The following KLHL22 variants were observed in gnomAD, a reference collection of about 807,000 sequenced individuals.
KLHL22 encodes kelch-like protein 22.
In KLHL22, 18 loss-of-function variants were observed where a neutral mutation model predicts 60.7. The observed-to-expected ratio is 0.30, with a 90% CI of 0.20 to 0.44. The LOEUF is 0.44. KLHL22 is among the 20% of genes least tolerant of loss of function. The probability of loss-of-function intolerance (pLI) is 1.00; values close to 1 mark genes in which losing one functional copy is unlikely to be tolerated. For synonymous variants in KLHL22, 355 were observed against 354.5 expected (o/e 1.00, Z -0.01); for missense variants, 596 against 852.3 (o/e 0.70, Z 3.74).
At chr22:20,450,711 G>A (rs2052963398) in intron 5 of KLHL22, 3 of 1,405,578 alleles carry the variant, frequency 2.1e-6, no homozygotes, top group South Asian at 1.2e-5. Context: ...CAGTCTTTGA[G>A]GCTGTCATCA....
intron 2 of KLHL22, chr22:20,483,351 G>A: frequency 2.7e-6 from 2 of 742,108 alleles, no homozygotes; most frequent in Non-Finnish European, 5.0e-6. Context: ...ATTGAGCCTG[G>A]ATGTCTGCCA....
chr22:20,477,979 T>C (rs952482111), intron 2 of KLHL22, among the ~76,000 whole-genome samples: 2 of 152,188 alleles, frequency 1.3e-5, no homozygotes, highest in Non-Finnish European at 2.9e-5. Flanking sequence ...TAGAGATAAA[T>C]TGTCATGATA....
chr22:20,487,763 T>C (rs1174377869), intron 2 of KLHL22, among the ~76,000 whole-genome samples: 1 of 152,206 alleles, frequency 6.6e-6, no homozygotes, highest in Non-Finnish European at 1.5e-5. Context: ...CATAAGGTTT[T>C]TGACAGATTA....
chr22:20,471,245 C>A (rs764233339), intron 3 of KLHL22, 105 bp downstream of exon 3: 105 of 1,101,522 alleles, frequency 9.5e-5, no homozygotes, highest in Middle Eastern at 6.0e-4. Context: ...TCCTCACATT[C>A]CTGACCCATC....
At chr22:20,447,710 CT>C (rs2052895963) in intron 5 of KLHL22, among the ~76,000 whole-genome samples, 1 of 151,896 alleles carries the variant, frequency 6.6e-6, no homozygotes, top group South Asian at 2.1e-4. Flanking sequence ...ACCCAGCTAA[CT>C]TTTGTATTTT....
intron 2 of KLHL22, among the ~76,000 whole-genome samples, chr22:20,472,309 A>T (rs1359507062): frequency 6.6e-6 from 1 of 151,384 alleles, no homozygotes; most frequent in Non-Finnish European, 1.5e-5. Flanking sequence ...CTGGTAAAAT[A>T]GCTGGGCGCG....
intron 2 of KLHL22, among the ~76,000 whole-genome samples, chr22:20,479,221 T>A (rs752587911): frequency 1.1e-3 from 166 of 151,940 alleles, no homozygotes; most frequent in Admixed American, 2.7e-3. Flanking sequence ...GTTGGGACTA[T>A]AGGCATGCAC....
Position 20,441,890 on chromosome 22 carries a change from G to A in KLHL22, c.*183C>T. 1 of 523,570 alleles carries A rather than the reference G, an allele frequency of 1.9e-6. No homozygotes were observed. Among genetic ancestry groups the A allele is most frequent in the Non-Finnish European group, 3.2e-6 (1 of 312,398 alleles). The allele number at this position is 523,570 out of a possible 1,614,324, so 32.4% of individuals were successfully genotyped here. Reference sequence around the variant, plus strand: ...TAATCCACAGCCTGGGATCTGCATGGCCCTGAGATGCCTGCGGCAGGCTGG... The same window carrying A: ...TAATCCACAGCCTGGGATCTGCATGACCCTGAGATGCCTGCGGCAGGCTGG... On this transcript the variant is annotated 3_prime_UTR_variant, in exon 7 of 7. Transcript: ENST00000328879.
At chr22:20,449,015 T>C (rs1486474611) in intron 5 of KLHL22, among the ~76,000 whole-genome samples, 4 of 152,104 alleles carry the variant, frequency 2.6e-5, no homozygotes, top group East Asian at 3.8e-4. Context: ...CAGTGAAATG[T>C]TTCTTCAACT....
At chr22:20,457,358 G>A (rs362071) in intron 5 of KLHL22, among the ~76,000 whole-genome samples, 4 of 151,918 alleles carry the variant, frequency 2.6e-5, no homozygotes, top group Non-Finnish European at 4.4e-5. Context: ...TCTGGAAGGC[G>A]CCACCCTTCA....
chr22:20,480,820 C>T (rs530864610), intron 2 of KLHL22, among the ~76,000 whole-genome samples: 2 of 149,544 alleles, frequency 1.3e-5, no homozygotes, highest in Admixed American at 6.7e-5. Flanking sequence ...AATGAGTTTA[C>T]GCCAAACTTT....
intron 5 of KLHL22, among the ~76,000 whole-genome samples, chr22:20,447,208 C>T (rs1298137684): frequency 6.6e-6 from 1 of 152,210 alleles, no homozygotes; most frequent in Admixed American, 6.5e-5. Flanking sequence ...GCTTTTTACC[C>T]TCCCTCTGTT....
chr22:20,454,236 G>A (rs1393091256), intron 5 of KLHL22, among the ~76,000 whole-genome samples: 1 of 152,102 alleles, frequency 6.6e-6, no homozygotes, highest in African/African-American at 2.4e-5. Context: ...GGCTGAGGCA[G>A]GAGGATCACT....
intron 2 of KLHL22, among the ~76,000 whole-genome samples, chr22:20,480,922 C>G (rs2053489205): frequency 6.6e-6 from 1 of 150,392 alleles, no homozygotes; most frequent in Non-Finnish European, 1.5e-5. Context: ...AGCTCCGCCT[C>G]CTGGGTTCAC....
At chr22:20,451,604 G>T in intron 5 of KLHL22, 1 of 1,597,040 alleles carries the variant, frequency 6.3e-7, no homozygotes, top group Non-Finnish European at 8.6e-7. Context: ...TACAACATTC[G>T]CACTGATTCC....
chr22:20,480,378 C>G (rs551339491), intron 2 of KLHL22, among the ~76,000 whole-genome samples: 2 of 152,084 alleles, frequency 1.3e-5, no homozygotes, highest in South Asian at 4.2e-4. Context: ...CACCAAGTAC[C>G]CAGTAGCAGG....
intron 2 of KLHL22, 27 bp from the exon 3 acceptor site, chr22:20,471,542 G>A: frequency 6.2e-7 from 1 of 1,608,534 alleles, no homozygotes; most frequent in Non-Finnish European, 8.5e-7. Flanking sequence ...CAAGAAAATG[G>A]AGTTATACCA....
At chr22:20,475,182 C>CTTTTTTTTTT (rs361724) in intron 2 of KLHL22, 1 of 140,222 alleles carries the variant, frequency 7.1e-6, no homozygotes. Flanking sequence ...AGAAATTTGT[C>CTTTTTTTTTT]TTTTTTTTTT....
At chr22:20,469,166 GA>G (rs1331610982) in intron 3 of KLHL22, among the ~76,000 whole-genome samples, 1 of 152,162 alleles carries the variant, frequency 6.6e-6, no homozygotes, top group East Asian at 1.9e-4. Context: ...GGAGAAGAAA[GA>G]AATGGCAGAA....
Sources: allele counts gnomAD v4.1 joint callset (sites outside exome capture counted in the v4.1 genomes callset), GRCh38; gene constraint gnomAD v4.1.1; transcripts MANE v1.5; gene names NCBI Gene and HGNC (gene_info 2026-07-23, HGNC 2026-07-21).